CLMP: variants seen among roughly 807,000 people sequenced by gnomAD.
CLMP encodes CXADR-like membrane protein.
Under a neutral mutation model 45.2 loss-of-function variants are expected in CLMP, and 27 were observed. The ratio of observed to expected loss-of-function variants is 0.60; its 90% CI spans 0.44 to 0.82. CLMP has a LOEUF of 0.82. CLMP is among the 40% of genes least tolerant of loss of function. The pLI is 0.00. For missense variants in CLMP, 403 were observed against 448.4 expected (o/e 0.90, Z 0.91); for synonymous variants, 167 against 171.4 (o/e 0.97, Z 0.20).
At chr11:123,139,816 G>A (rs375288070) in intron 1 of CLMP, among the ~76,000 whole-genome samples, 3 of 150,390 alleles carry the variant, frequency 2.0e-5, no homozygotes, top group East Asian at 2.0e-4. Context: ...ACACCGTCTC[G>A]AAATAAAGTA....
chr11:123,087,181 T>G (rs1342553784), intron 2 of CLMP, among the ~76,000 whole-genome samples: 2 of 151,822 alleles, frequency 1.3e-5, no homozygotes, highest in African/African-American at 4.8e-5. Flanking sequence ...CTACTAAAAA[T>G]ACAAAATTAG....
chr11:123,073,654 G>A lies in CLMP; in HGVS notation c.942C>T (p.Ser314=). 2 of 1,614,260 alleles carry A rather than the reference G, an allele frequency of 1.2e-6. No homozygotes were observed. The highest frequency in any genetic ancestry group is 1.7e-6 in the Non-Finnish European group (2 of 1,180,050). The change falls in exon 7 of 7, where the codon AGC becomes AGT. Residue 314 remains serine (S), a synonymous_variant. Coordinates refer to ENST00000448775, the MANE Select transcript of CLMP (RefSeq NM_024769.5). ...TRSTANSASR[S]QRTLSTDAAP... ...CTGCGTCAGTTGACAGTGTCCGCTG[G>A]CTGCGTGAGGCACTATTTGCTGTGG...
intron 1 of CLMP, among the ~76,000 whole-genome samples, chr11:123,150,209 CACA>C (rs1295928382): frequency 3.4e-5 from 5 of 148,248 alleles, no homozygotes; most frequent in Non-Finnish European, 5.9e-5. Flanking sequence ...TAAACACACA[CACA>C]CACACACACA....
intron 1 of CLMP, among the ~76,000 whole-genome samples, chr11:123,183,066 T>C (rs1161121502): frequency 6.6e-6 from 1 of 152,226 alleles, no homozygotes; most frequent in Non-Finnish European, 1.5e-5. Context: ...TTCTGTCAAA[T>C]GTGCCTTCAG....
chr11:123,131,765 G>A (rs777643766), intron 1 of CLMP, among the ~76,000 whole-genome samples: 8 of 151,828 alleles, frequency 5.3e-5, no homozygotes, highest in Non-Finnish European at 1.0e-4. Context: ...ACAGGTATGC[G>A]CCACCACGTC....
Position 123,078,648 on chromosome 11 carries a change from G to GTT in CLMP, c.680-3807_680-3806dup, listed in dbSNP as rs72256215. Among the ~76,000 whole-genome samples the GTT allele has an allele frequency of 3.5e-3, 466 of 132,054 alleles. 3 individuals carry two copies. Among genetic ancestry groups the GTT allele is most frequent in the African/African-American group, 0.012 (423 of 35,596 alleles). The allele number at this position is 132,054 out of a possible 152,430, so 86.6% of individuals were successfully genotyped here. ...TTTTGTGTTTTTTTTGGTTTTTTTT[G>GTT]TTTTTTTTTTTTTTGAGACAGAGTC... On this transcript the variant is annotated intron_variant, in intron 5 of 6. Coordinates refer to ENST00000448775, the MANE Select transcript of CLMP (RefSeq NM_024769.5).
intron 1 of CLMP, among the ~76,000 whole-genome samples, chr11:123,140,254 C>T (rs1329522709): frequency 6.6e-6 from 1 of 151,950 alleles, no homozygotes; most frequent in Non-Finnish European, 1.5e-5. Context: ...ACTAGGGTTA[C>T]TAGTAGGAGG....
At chr11:123,191,176 C>T (rs1347586945) in intron 1 of CLMP, among the ~76,000 whole-genome samples, 7 of 152,190 alleles carry the variant, frequency 4.6e-5, no homozygotes, top group Admixed American at 3.9e-4. Flanking sequence ...TAAACAGTCT[C>T]TTAGTTTTCC....
chr11:123,188,539 A>C (rs1861863560), intron 1 of CLMP, among the ~76,000 whole-genome samples: 1 of 151,790 alleles, frequency 6.6e-6, no homozygotes, highest in African/African-American at 2.4e-5. Context: ...GCCGCTCTTT[A>C]CAAAAACCCC....
chr11:123,118,978 TTTC>T, intron 1 of CLMP, among the ~76,000 whole-genome samples: 1 of 54,670 alleles, frequency 1.8e-5, no homozygotes, highest in East Asian at 5.1e-4. Context: ...TCTTTCTTTC[TTTC>T]TTTCTTTCTT....
rs1368167004 is a variant in CLMP at position 123,070,299 on chromosome 11, G to A, written c.*3175C>T. On this transcript the variant is annotated 3_prime_UTR_variant, in exon 7 of 7. Coordinates refer to ENST00000448775, the MANE Select transcript of CLMP (RefSeq NM_024769.5). ...TGGAATATGGTTTGGAACCAGTAGG[G>A]CCTCTAACTTAAGCCCAGAACCTGT... 2 of 152,130 alleles carry A rather than the reference G, an allele frequency of 1.3e-5. No individual in the cohort carries two copies. Among genetic ancestry groups the A allele is most frequent in the African/African-American group, 2.4e-5 (1 of 41,438 alleles). The allele number at this position is 152,130 out of a possible 1,614,324, so 9.4% of individuals were successfully genotyped here. A position where few individuals can be genotyped will look rare whatever the true frequency, so the allele number is the denominator to read the frequency against.
chr11:123,121,829 T>C (rs769171333), intron 1 of CLMP, among the ~76,000 whole-genome samples: 23 of 152,208 alleles, frequency 1.5e-4, no homozygotes, highest in Non-Finnish European at 2.9e-4. Flanking sequence ...GACATTTCTC[T>C]TTCACCTTTA....
At chr11:123,152,521 T>C (rs1861350958) in intron 1 of CLMP, among the ~76,000 whole-genome samples, 1 of 131,768 alleles carries the variant, frequency 7.6e-6, no homozygotes, top group African/African-American at 3.1e-5. Flanking sequence ...AGACTCCATC[T>C]CAAAATAAAT....
intron 1 of CLMP, among the ~76,000 whole-genome samples, chr11:123,159,029 C>T (rs1861450800): frequency 6.6e-6 from 1 of 152,202 alleles, no homozygotes; most frequent in South Asian, 2.1e-4. Context: ...AGTCAGACCT[C>T]CCTTAAGCAG....
rs1482319766 is a variant in CLMP, at chr11:123,137,040, C to T, written c.29-39088G>A. On this transcript the variant is annotated intron_variant, in intron 1 of 6. Coordinates refer to ENST00000448775, the MANE Select transcript of CLMP (RefSeq NM_024769.5). The stretch of plus-strand genomic sequence containing the variant: ...AACCTCCCATGTCCAGTTTCCCGAG[C>T]CCCGTATGTTTCCATTCAACCCTTC... Among the ~76,000 whole-genome samples the T allele has an allele frequency of 4.6e-5, 7 of 151,998 alleles. 1 individual carries two copies. The South Asian group carries it at 8.3e-4, about 18-fold the overall frequency.
chr11:123,121,205 TTTGA>T (rs1860812769), intron 1 of CLMP, among the ~76,000 whole-genome samples: 1 of 151,980 alleles, frequency 6.6e-6, no homozygotes, highest in East Asian at 1.9e-4. Flanking sequence ...TTGTAGGCTG[TTTGA>T]TTGTGGGATT....
intron 1 of CLMP, among the ~76,000 whole-genome samples, chr11:123,118,994 T>TC (rs1860767031): frequency 2.2e-5 from 1 of 44,878 alleles, no homozygotes; most frequent in Non-Finnish European, 4.1e-5. Flanking sequence ...TCTTTCTTTC[T>TC]TTCTTTCTCT....
intron 1 of CLMP, among the ~76,000 whole-genome samples, chr11:123,161,924 T>C (rs996637343): frequency 1.3e-5 from 2 of 152,158 alleles, no homozygotes; most frequent in Non-Finnish European, 2.9e-5. Flanking sequence ...ACCACTTGAT[T>C]CAGTAGGCCT....
rs1403949634 is a variant in CLMP at position 123,097,909 on chromosome 11, C to T, written c.72G>A (p.Lys24=). The part of the protein sequence containing the change: ...VGTLGTHTEI[K]RVAEEKVTLP... ...AAGTGACCTTTTCCTCTGCCACTCTCTTGATCTCAGTGTGAGTCCCCAAGG... is the reference window on the plus strand; with the variant it reads ...AAGTGACCTTTTCCTCTGCCACTCTTTTGATCTCAGTGTGAGTCCCCAAGG... The change falls in exon 2 of 7, where the codon AAG becomes AAA. Residue 24 remains lysine (K), a synonymous_variant. Coordinates refer to ENST00000448775, the MANE Select transcript of CLMP (RefSeq NM_024769.5). 2 of 1,603,070 alleles carry T rather than the reference C, an allele frequency of 1.2e-6. No individual in the cohort carries two copies. Among genetic ancestry groups the T allele is most frequent in the Admixed American group, 3.5e-5 (2 of 57,800 alleles).
Sources: gnomAD v4.1 joint callset for allele counts (sites outside exome capture counted in the v4.1 genomes callset) on GRCh38, gnomAD v4.1.1 for gene constraint, MANE v1.5 for transcripts, NCBI Gene and HGNC (gene_info 2026-07-23, HGNC 2026-07-21) for gene names.